The following EIPR1 variants were observed in gnomAD, a reference collection of about 807,000 sequenced individuals.
EIPR1 encodes the protein EARP complex and GARP complex interacting protein 1.
EIPR1 carries 25 observed loss-of-function variants against 48.1 expected under a neutral mutation model. The observed-to-expected ratio is 0.52, with a 90% CI of 0.38 to 0.73. EIPR1 has a LOEUF of 0.73. Ranked by LOEUF, EIPR1 falls within the 30% of genes least tolerant of loss-of-function variation. The pLI is 0.00. For missense variants in EIPR1, 415 were observed against 506.2 expected, an observed-to-expected ratio of 0.82 and a Z score of 1.73; for synonymous variants, 204 against 201.9, an observed-to-expected ratio of 1.01 and a Z score of -0.09.
chr2:3,227,040 G>T (rs1666085879), intron 4 of EIPR1, among the ~76,000 whole-genome samples: 1 of 152,154 alleles, frequency 6.6e-6, no homozygotes, highest in South Asian at 2.1e-4. Flanking sequence ...CATGAAAACA[G>T]ACAAATACGG....
At chr2:3,247,039 GAGAGGGAGGGAGA>G (rs1666848982) in intron 4 of EIPR1, among the ~76,000 whole-genome samples, 3 of 18,306 alleles carry the variant, frequency 1.6e-4, no homozygotes, top group African/African-American at 7.3e-4. Flanking sequence ...GAGGGAGGGA[GAGAGGGAGGGAGA>G]GAGGGAGGGA....
chr2:3,194,866 GT>G (rs1664755520), intron 6 of EIPR1, among the ~76,000 whole-genome samples: 1 of 152,166 alleles, frequency 6.6e-6, no homozygotes, highest in African/African-American at 2.4e-5. Flanking sequence ...CCAGCTCCAG[GT>G]CCAACACTGC....
chr2:3,199,060 G>GCCCCCCCCCC (rs1214394853), intron 5 of EIPR1, among the ~76,000 whole-genome samples: 3 of 23,336 alleles, frequency 1.3e-4, no homozygotes, highest in Non-Finnish European at 2.0e-4. Flanking sequence ...CATTTTAGAG[G>GCCCCCCCCCC]GCCCCCCCCC....
chr2:3,300,602 G>C (rs1004132096), intron 3 of EIPR1, among the ~76,000 whole-genome samples: 1 of 151,862 alleles, frequency 6.6e-6, no homozygotes, highest in Non-Finnish European at 1.5e-5. Flanking sequence ...ATGGGCTTTC[G>C]CGCTAATACC....
chr2:3,219,075 T>TATACTCTAGAG (rs546413824), intron 4 of EIPR1, among the ~76,000 whole-genome samples: 21 of 147,946 alleles, frequency 1.4e-4, no homozygotes, highest in African/African-American at 5.3e-4. Context: ...ACGGCCCTGG[T>TATACTCTAGAG]ATACTCTAGA....
chr2:3,280,364 G>A (rs929939275), intron 3 of EIPR1, among the ~76,000 whole-genome samples: 3 of 152,164 alleles, frequency 2.0e-5, no homozygotes, highest in Admixed American at 6.5e-5. Flanking sequence ...GCCCGGCCTC[G>A]TTCCCATCCT....
intron 3 of EIPR1, among the ~76,000 whole-genome samples, chr2:3,297,317 A>AGCCACACCT (rs1301241546): frequency 2.0e-5 from 3 of 152,260 alleles, no homozygotes; most frequent in Admixed American, 1.3e-4. Context: ...TGAGTGTTTC[A>AGCCACACCT]GCCACACCTG....
At chr2:3,353,225 C>G (rs1670631992) in intron 2 of EIPR1, 3 of 471,006 alleles carry the variant, frequency 6.4e-6, no homozygotes, top group African/African-American at 6.0e-5. Context: ...CTGGCATCCG[C>G]TGGGTGGTCT....
rs376836144 is a variant in EIPR1 at position 3,310,243 on chromosome 2, G to C, written c.259+27774C>G. ...GCAAATAGCTATCCGTTCTGAAGAC[G>C]ACAAATGGTTTCCAAACAACAGGAA... On this transcript the variant is annotated intron_variant, in intron 3 of 8. Transcript: ENST00000382125. 5.9e-5 allele frequency among the ~76,000 whole-genome samples: 9 copies of C among 152,252 alleles called. No homozygotes were observed. In the East Asian group the frequency reaches 1.5e-3, roughly 26 times the overall value.
chr2:3,295,868 CTCTG>C, intron 3 of EIPR1, among the ~76,000 whole-genome samples: 1 of 133,844 alleles, frequency 7.5e-6, no homozygotes, highest in Non-Finnish European at 1.6e-5. Context: ...CCCATCCTCT[CTCTG>C]CACACACCCT....
intron 2 of EIPR1, among the ~76,000 whole-genome samples, chr2:3,340,829 G>A (rs941153797): frequency 1.3e-5 from 2 of 152,088 alleles, no homozygotes; most frequent in Non-Finnish European, 2.9e-5. Context: ...AGGCGCGGTG[G>A]CTGACATCTG....
At chr2:3,239,069 C>T (rs1424671061) in intron 4 of EIPR1, among the ~76,000 whole-genome samples, 5 of 152,330 alleles carry the variant, frequency 3.3e-5, no homozygotes, top group South Asian at 2.1e-4. Context: ...AGATGAGGTG[C>T]CACGGCCAAG....
intron 4 of EIPR1, among the ~76,000 whole-genome samples, chr2:3,251,917 G>A (rs377455274): frequency 1.4e-4 from 22 of 152,108 alleles, no homozygotes; most frequent in East Asian, 5.8e-4. Flanking sequence ...GTTCTGGGGC[G>A]AGACTTCTGG....
chr2:3,299,259 C>T (rs1350407513), intron 3 of EIPR1, among the ~76,000 whole-genome samples: 6 of 152,008 alleles, frequency 3.9e-5, no homozygotes, highest in Non-Finnish European at 8.8e-5. Context: ...TGGAGTGCTC[C>T]GCCCTGGGTC....
At chr2:3,370,544 G>A (rs1206967545) in intron 1 of EIPR1, among the ~76,000 whole-genome samples, 1 of 152,176 alleles carries the variant, frequency 6.6e-6, no homozygotes, top group Non-Finnish European at 1.5e-5. Context: ...AGTGCTTAAA[G>A]GAGCTGATGG....
intron 3 of EIPR1, among the ~76,000 whole-genome samples, chr2:3,275,334 T>C (rs1667816379): frequency 6.7e-6 from 1 of 149,902 alleles, no homozygotes; most frequent in African/African-American, 2.5e-5. Context: ...CACAAAAAAT[T>C]CTAAACTTAT....
chr2:3,192,564 T>C lies in EIPR1; in HGVS notation c.839A>G (p.Tyr280Cys), dbSNP rs765432767. ...GACCAGCTGGTCATGAGAGTGGTTG[T>C]AGCGGACGTTCCACACCCTGCAAAG... ...EHSHWVWNVRYNHSHDQLVLT... is the reference protein window; with the variant it reads ...EHSHWVWNVRCNHSHDQLVLT... The change falls in exon 8 of 9, where the codon TAC (tyrosine) becomes TGC (cysteine). Residue 280 changes from tyrosine (Y) to cysteine (C), a missense_variant. By Grantham distance (194) the Tyr-to-Cys change is radical. Transcript: ENST00000382125. The C allele has an allele frequency of 1.2e-6, 2 of 1,611,970 alleles. No individual in the cohort carries two copies. Among genetic ancestry groups the C allele is most frequent in the South Asian group, 1.1e-5 (1 of 90,790 alleles).
chr2:3,273,844 G>A (rs1003334721), intron 3 of EIPR1, among the ~76,000 whole-genome samples: 43 of 152,198 alleles, frequency 2.8e-4, no homozygotes, highest in African/African-American at 1.0e-3. Context: ...ACAGTGGCCT[G>A]AATGAGGGCA....
chr2:3,351,176 T>C (rs185692890), intron 2 of EIPR1, among the ~76,000 whole-genome samples: 1 of 152,106 alleles, frequency 6.6e-6, no homozygotes, highest in Non-Finnish European at 1.5e-5. Flanking sequence ...AATTTTTGTA[T>C]TTTTAGTAGA....
Sources: allele counts gnomAD v4.1 joint callset (sites outside exome capture counted in the v4.1 genomes callset), GRCh38; gene constraint gnomAD v4.1.1; transcripts MANE v1.5; gene names NCBI Gene and HGNC (gene_info 2026-07-23, HGNC 2026-07-21).